SUSD6: variants seen among roughly 807,000 people sequenced by gnomAD.
SUSD6 encodes the protein sushi domain-containing protein 6.
Under a neutral mutation model 28.4 loss-of-function variants are expected in SUSD6, and 16 were observed. The observed-to-expected ratio is 0.56, with a 90% CI of 0.38 to 0.86. The LOEUF is 0.86. Among genes scored for constraint, SUSD6 ranks in the 40% least tolerant of loss-of-function variants. SUSD6 has a pLI of 0.00. For synonymous variants in SUSD6, 147 were observed against 159.6 expected (o/e 0.92, Z 0.59); for missense variants, 341 against 384.2 (o/e 0.89, Z 0.94).
chr14:69,677,938 C>T (rs1309014338), intron 2 of SUSD6, among the ~76,000 whole-genome samples: 1 of 152,194 alleles, frequency 6.6e-6, no homozygotes, highest in East Asian at 1.9e-4. Flanking sequence ...TGTAATCACA[C>T]ATGGATACTT....
At chr14:69,621,427 A>G (rs761877660) in intron 1 of SUSD6, among the ~76,000 whole-genome samples, 1 of 152,208 alleles carries the variant, frequency 6.6e-6, no homozygotes. Context: ...AAGTCAGCTC[A>G]GGAACCATGG....
At chr14:69,673,697 G>T (rs1363097377) in intron 2 of SUSD6, among the ~76,000 whole-genome samples, 2 of 152,074 alleles carry the variant, frequency 1.3e-5, no homozygotes, top group Non-Finnish European at 2.9e-5. Flanking sequence ...TTCCTATTCT[G>T]CCCCCTGAGG....
At chr14:69,691,167 C>G (rs1454081499) in intron 2 of SUSD6, among the ~76,000 whole-genome samples, 1 of 152,160 alleles carries the variant, frequency 6.6e-6, no homozygotes, top group Non-Finnish European at 1.5e-5. Flanking sequence ...CATGGCGAAA[C>G]CCTGTCCTTA....
intron 1 of SUSD6, among the ~76,000 whole-genome samples, chr14:69,657,339 C>T (rs1885597852): frequency 6.6e-6 from 1 of 152,116 alleles, no homozygotes; most frequent in East Asian, 1.9e-4. Flanking sequence ...CCTGTAATTC[C>T]AGCTGCTTGG....
intron 4 of SUSD6, among the ~76,000 whole-genome samples, chr14:69,705,517 C>G (rs1250648822): frequency 6.6e-6 from 1 of 152,040 alleles, no homozygotes; most frequent in Non-Finnish European, 1.5e-5. Context: ...TTGATGAACA[C>G]TTAAGTTTGT....
At chr14:69,641,827 A>G (rs948947339) in intron 1 of SUSD6, among the ~76,000 whole-genome samples, 3 of 151,524 alleles carry the variant, frequency 2.0e-5, no homozygotes, top group African/African-American at 7.3e-5. Context: ...CTGGTCTCGA[A>G]CTCCTGGAAT....
chr14:69,657,935 A>C lies in SUSD6; in HGVS notation c.-80-578A>C, dbSNP rs368953237. ...CTCATCTTTTTCAGGGACAGCCAACATAATGTGGTCACAGGTGTGTTGGGT... is the reference window on the plus strand; with the variant it reads ...CTCATCTTTTTCAGGGACAGCCAACCTAATGTGGTCACAGGTGTGTTGGGT... On this transcript the variant is annotated intron_variant, in intron 1 of 5. Transcript: ENST00000342745. 7.2e-4 allele frequency among the ~76,000 whole-genome samples: 109 copies of C among 152,276 alleles called. 1 individual carries two copies. The South Asian group carries it at 0.015, about 21-fold the overall frequency.
chr14:69,710,871 G>A, intron 5 of SUSD6, 83 bp from the exon 6 acceptor site: 1 of 1,290,762 alleles, frequency 7.7e-7, no homozygotes, highest in South Asian at 1.2e-5. Context: ...ATGTAGGATA[G>A]CCCCTAAGTT....
At chr14:69,655,432 TA>T (rs1885567376) in intron 1 of SUSD6, among the ~76,000 whole-genome samples, 1 of 152,188 alleles carries the variant, frequency 6.6e-6, no homozygotes, top group Admixed American at 6.5e-5. Context: ...CTAGAACTGA[TA>T]AGTCAGAGTA....
At chr14:69,685,568 G>A (rs1384050071) in intron 2 of SUSD6, among the ~76,000 whole-genome samples, 1 of 152,146 alleles carries the variant, frequency 6.6e-6, no homozygotes, top group Non-Finnish European at 1.5e-5. Flanking sequence ...TTAGTAAAAT[G>A]CAGGTGTGTG....
chr14:69,678,112 G>A (rs1419048266), intron 2 of SUSD6, among the ~76,000 whole-genome samples: 1 of 151,866 alleles, frequency 6.6e-6, no homozygotes, highest in African/African-American at 2.4e-5. Context: ...TTAAAAATGT[G>A]CAGTGCATTT....
intron 4 of SUSD6, among the ~76,000 whole-genome samples, chr14:69,708,433 T>C (rs1886414315): frequency 6.6e-6 from 1 of 152,172 alleles, no homozygotes; most frequent in Non-Finnish European, 1.5e-5. Flanking sequence ...CTCCATCCTT[T>C]ACCAGCTGTG....
intron 1 of SUSD6, among the ~76,000 whole-genome samples, chr14:69,635,684 G>A (rs1323313726): frequency 6.6e-6 from 1 of 151,514 alleles, no homozygotes; most frequent in Non-Finnish European, 1.5e-5. Flanking sequence ...CAGATGTGAA[G>A]GAGTTTAGAA....
intron 2 of SUSD6, among the ~76,000 whole-genome samples, chr14:69,681,439 A>G (rs568179610): frequency 2.0e-5 from 3 of 152,194 alleles, no homozygotes; most frequent in Non-Finnish European, 4.4e-5. Flanking sequence ...TTTCTGAAAG[A>G]GCTTTATAGC....
At chr14:69,623,385 C>T (rs1438273697) in intron 1 of SUSD6, among the ~76,000 whole-genome samples, 1 of 151,584 alleles carries the variant, frequency 6.6e-6, no homozygotes, top group African/African-American at 2.4e-5. Flanking sequence ...GCATTACTCA[C>T]CTGTTTGTGG....
At chr14:69,640,345 A>G (rs1052238263) in intron 1 of SUSD6, among the ~76,000 whole-genome samples, 7 of 151,952 alleles carry the variant, frequency 4.6e-5, no homozygotes, top group African/African-American at 9.7e-5. Flanking sequence ...TATAATATAT[A>G]TATTTGGAGA....
At chr14:69,631,949 T>C (rs1268587471) in intron 1 of SUSD6, among the ~76,000 whole-genome samples, 1 of 152,220 alleles carries the variant, frequency 6.6e-6, no homozygotes, top group South Asian at 2.1e-4. Flanking sequence ...GTTTAGAATA[T>C]GGCAGAGAAT....
At chr14:69,628,719 GTT>G (rs11357371) in intron 1 of SUSD6, among the ~76,000 whole-genome samples, 1,214 of 120,298 alleles carry the variant, frequency 0.01, 11 homozygotes, top group African/African-American at 0.023. Flanking sequence ...CCTGTGGTGG[GTT>G]TTTTTTTTTT....
At chr14:69,682,971 T>C (rs1297967276) in intron 2 of SUSD6, among the ~76,000 whole-genome samples, 3 of 102,558 alleles carry the variant, frequency 2.9e-5, no homozygotes, top group Non-Finnish European at 4.1e-5. Flanking sequence ...TTTTTTTTTT[T>C]CACTTGGGGA....
Sources: gnomAD v4.1 joint callset for allele counts (sites outside exome capture counted in the v4.1 genomes callset) on GRCh38, gnomAD v4.1.1 for gene constraint, MANE v1.5 for transcripts, NCBI Gene and HGNC (gene_info 2026-07-23, HGNC 2026-07-21) for gene names.